The following ZDHHC13 variants were observed in gnomAD, a reference collection of about 807,000 sequenced individuals.
ZDHHC13 encodes the protein palmitoyltransferase ZDHHC13.
Under a neutral mutation model 86.0 loss-of-function variants are expected in ZDHHC13, and 85 were observed. The observed-to-expected ratio is 0.99, with a 90% confidence interval of 0.83 to 1.18. ZDHHC13 has a LOEUF of 1.18. ZDHHC13 is among the 50% of genes most tolerant of loss of function. ZDHHC13 has a pLI of 0.00. For synonymous variants in ZDHHC13, 263 were observed against 246.4 expected (o/e 1.07, Z -0.63); for missense variants, 711 against 730.2 (o/e 0.97, Z 0.30).
rs1254886741 is a variant in ZDHHC13, at chr11:19,152,450, A to G, written c.748-109A>G. ...TAGATATAAATGATAATAGCTGGCT[A>G]TCCTTGGAATAATGTGTTGAGTCTA... is the stretch of plus-strand genomic sequence containing the variant. On this transcript the variant is annotated intron_variant, in intron 7 of 16. Transcript: ENST00000446113. 10 of 1,444,822 alleles carry G rather than the reference A, an allele frequency of 6.9e-6. 1 individual carries two copies. In the Admixed American group the frequency reaches 2.4e-4, roughly 35 times the overall value. The allele number at this position is 1,444,822 out of a possible 1,614,324, so 89.5% of individuals were successfully genotyped here.
intron 9 of ZDHHC13, among the ~76,000 whole-genome samples, chr11:19,156,251 C>T (rs1290676483): frequency 3.9e-5 from 6 of 152,042 alleles, no homozygotes; most frequent in African/African-American, 9.7e-5. Flanking sequence ...TTGTAATCAT[C>T]TTGAAGCATT....
intron 1 of ZDHHC13, among the ~76,000 whole-genome samples, chr11:19,140,132 T>C (rs1209142099): frequency 3.3e-4 from 49 of 147,514 alleles, no homozygotes; most frequent in South Asian, 6.5e-4. Flanking sequence ...ACAGGCAACC[T>C]ACAACATGGG....
At chr11:19,132,346 C>A (rs1271721185) in intron 1 of ZDHHC13, among the ~76,000 whole-genome samples, 1 of 152,098 alleles carries the variant, frequency 6.6e-6, no homozygotes, top group Non-Finnish European at 1.5e-5. Context: ...AAGGTGTGGC[C>A]CTCTGATATC....
intron 1 of ZDHHC13, among the ~76,000 whole-genome samples, chr11:19,126,444 C>G (rs369780523): frequency 6.8e-6 from 1 of 146,528 alleles, no homozygotes; most frequent in African/African-American, 2.5e-5. Flanking sequence ...TCAAGTGATT[C>G]TCCTGCCTCA....
intron 8 of ZDHHC13, among the ~76,000 whole-genome samples, chr11:19,155,324 G>A (rs1849725084): frequency 6.6e-6 from 1 of 151,998 alleles, no homozygotes; most frequent in Admixed American, 6.6e-5. Flanking sequence ...TTTTTAAAAG[G>A]TTGTTTCCCA....
At chr11:19,125,964 G>A (rs1848864927) in intron 1 of ZDHHC13, among the ~76,000 whole-genome samples, 1 of 151,956 alleles carries the variant, frequency 6.6e-6, no homozygotes, top group African/African-American at 2.4e-5. Context: ...TGATGGTGGC[G>A]GTTACGTGAC....
At chr11:19,166,275 A>C in intron 13 of ZDHHC13, 27 bp from the exon 14 acceptor site, 1 of 1,573,680 alleles carries the variant, frequency 6.4e-7, no homozygotes, top group Non-Finnish European at 8.6e-7. Context: ...GAAAATATTA[A>C]GTATGTTTTT....
intron 10 of ZDHHC13, among the ~76,000 whole-genome samples, chr11:19,161,832 G>A (rs151179576): frequency 5.3e-5 from 8 of 152,060 alleles, no homozygotes; most frequent in Non-Finnish European, 7.4e-5. Context: ...GGAACGAGGC[G>A]CTGTGACTAA....
At chr11:19,120,388 G>A (rs548040511) in intron 1 of ZDHHC13, among the ~76,000 whole-genome samples, 2 of 152,302 alleles carry the variant, frequency 1.3e-5, no homozygotes, top group South Asian at 2.1e-4. Context: ...ACACCTACAC[G>A]TGACCTGGGC....
At chr11:19,128,381 A>G (rs1319882080) in intron 1 of ZDHHC13, among the ~76,000 whole-genome samples, 1 of 152,194 alleles carries the variant, frequency 6.6e-6, no homozygotes, top group Admixed American at 6.5e-5. Context: ...ATATAGAATC[A>G]TGTTATCTGC....
chr11:19,136,708 A>G (rs1849151921), intron 1 of ZDHHC13, among the ~76,000 whole-genome samples: 1 of 152,194 alleles, frequency 6.6e-6, no homozygotes, highest in African/African-American at 2.4e-5. Flanking sequence ...CCATCAGACT[A>G]ACAGCAGATC....
chr11:19,172,768 A>G lies in ZDHHC13; in HGVS notation c.1678A>G (p.Lys560Glu). Residue 560 changes from lysine (K) to glutamate (E), a missense_variant, in exon 16 of 17, where the codon AAG becomes GAG. By Grantham distance (56) the Lys-to-Glu change is moderately conservative (BLOSUM62 1). Coordinates refer to ENST00000446113, the MANE Select transcript of ZDHHC13 (RefSeq NM_019028.3). ...LTSHERISLQKQSKHMKQTLS... is the reference protein window; with the variant it reads ...LTSHERISLQEQSKHMKQTLS... ...CTCCCATGAGAGAATCAGCCTGCAG[A>G]AGCAGAGCAAGCATATGAAACAGAC... 6.2e-7 allele frequency: 1 copy of G among 1,606,672 alleles called. No individual in the cohort carries two copies. The highest frequency in any genetic ancestry group is 8.5e-7 in the Non-Finnish European group (1 of 1,176,528).
At chr11:19,130,870 G>C (rs1048966139) in intron 1 of ZDHHC13, among the ~76,000 whole-genome samples, 2 of 151,434 alleles carry the variant, frequency 1.3e-5, no homozygotes, top group African/African-American at 4.9e-5. Context: ...TTTTGAAAGG[G>C]AATTTCGCTC....
At chr11:19,159,522 A>C (rs1017274388) in intron 10 of ZDHHC13, among the ~76,000 whole-genome samples, 3 of 152,084 alleles carry the variant, frequency 2.0e-5, no homozygotes, top group Admixed American at 6.6e-5. Flanking sequence ...TTACTTTGCC[A>C]CTCAACATAT....
Position 19,134,096 on chromosome 11 carries a change from A to G in ZDHHC13, c.28-8882A>G, listed in dbSNP as rs554707476. 3.9e-5 allele frequency among the ~76,000 whole-genome samples: 6 copies of G among 152,092 alleles called. No homozygotes were observed. The East Asian group carries it at 1.2e-3, about 29-fold the overall frequency. ...ATTTCAAGGCAATGCTATTGGAATA[A>G]CTAATAATCTCCTGAGGAGACTATT... On this transcript the variant is annotated intron_variant, in intron 1 of 16. Coordinates refer to ENST00000446113, the MANE Select transcript of ZDHHC13 (RefSeq NM_019028.3).
At chr11:19,148,141 C>T (rs542202683) in intron 4 of ZDHHC13, among the ~76,000 whole-genome samples, 2 of 152,100 alleles carry the variant, frequency 1.3e-5, no homozygotes, top group South Asian at 4.2e-4. Flanking sequence ...CAACTTAGAA[C>T]ATTTATATTG....
chr11:19,163,175 G>C, intron 10 of ZDHHC13, 128 bp from the exon 11 acceptor site: 5 of 929,430 alleles, frequency 5.4e-6, no homozygotes, highest in Non-Finnish European at 7.5e-6. Flanking sequence ...GATGGGAAGA[G>C]ATTTAGGGGC....
intron 14 of ZDHHC13, chr11:19,170,198 A>G: frequency 7.3e-7 from 1 of 1,375,080 alleles, no homozygotes; most frequent in Non-Finnish European, 9.3e-7. Context: ...CTACTTATAC[A>G]GTGTTATCAT....
chr11:19,175,729 A>G (rs929395203), intron 16 of ZDHHC13, 93 bp from the exon 17 acceptor site: 4 of 1,463,080 alleles, frequency 2.7e-6, no homozygotes, highest in Non-Finnish European at 3.7e-6. Context: ...AAGATGTTCA[A>G]AGGACATTGC....
Sources: gnomAD v4.1 joint callset for allele counts (sites outside exome capture counted in the v4.1 genomes callset) on GRCh38, gnomAD v4.1.1 for gene constraint, MANE v1.5 for transcripts, NCBI Gene and HGNC (gene_info 2026-07-23, HGNC 2026-07-21) for gene names.